Variants in PC observed in about 807,000 individuals in gnomAD.
The protein encoded by PC is pyruvate carboxylase.
PC carries 46 observed loss-of-function variants against 107.8 expected under a neutral mutation model. The ratio of observed to expected loss-of-function variants is 0.43; its 90% CI spans 0.34 to 0.55. The LOEUF is 0.55. PC is among the 20% of genes least tolerant of loss of function. PC has a pLI of 0.04. For synonymous variants in PC, 662 were observed against 684.7 expected, an observed-to-expected ratio of 0.97 and a Z score of 0.52; for missense variants, 1,241 against 1,643.1, an observed-to-expected ratio of 0.76 and a Z score of 4.23.
rs762909529 is a variant in PC at position 66,850,016 on chromosome 11, A to C, written c.2819T>G (p.Phe940Cys). ...CAGGAACTCCACCACGGAGCGGGGA[A>C]AGGACAGCTCTTCCGCCTGAGCTTC... The part of the protein sequence containing the change: ...EAEAQAEELS[F>C]PRSVVEFLQG... The change falls in exon 20 of 23, where the codon TTT becomes TGT. Residue 940 changes from phenylalanine to cysteine, a missense_variant. Physicochemically the swap from Phe to Cys is radical, Grantham distance 205. Coordinates refer to ENST00000393960, the MANE Select transcript of PC (RefSeq NM_001040716.2). The C allele has an allele frequency of 1.2e-6, 2 of 1,613,700 alleles. No homozygotes were observed. The highest frequency in any genetic ancestry group is 3.3e-5 in the Admixed American group (2 of 60,028).
chr11:66,857,696 C>A lies in PC; in HGVS notation c.1369-4313G>T. ...CCTGGGCCCAAGTGGGCACCTGCGC[C>A]AGCCCCACCTGTGCCTGGGCTGTGG... On this transcript the variant is annotated intron_variant, in intron 12 of 22. Transcript: ENST00000393960. This position sits in a 1 kb window ranked among gnomAD's most constrained non-coding sequence, Gnocchi z 7.1. The A allele has an allele frequency of 6.5e-7, 1 of 1,542,288 alleles. No homozygotes were observed. The highest frequency in any genetic ancestry group is 1.2e-5 in the South Asian group (1 of 83,256).
At chr11:66,898,623 T>G (rs1947844234) in intron 3 of PC, among the ~76,000 whole-genome samples, 1 of 152,106 alleles carries the variant, frequency 6.6e-6, no homozygotes, top group Non-Finnish European at 1.5e-5. Context: ...GAGGTCGCAG[T>G]AAGCCGAGAT....
chr11:66,886,641 T>A (rs1947373592), intron 3 of PC, among the ~76,000 whole-genome samples: 1 of 151,816 alleles, frequency 6.6e-6, no homozygotes, highest in Non-Finnish European at 1.5e-5. Flanking sequence ...ACAGCACCCA[T>A]TAGATGGGAG....
chr11:66,950,283 G>A (rs1591319609), intron 3 of PC, among the ~76,000 whole-genome samples: 10 of 152,234 alleles, frequency 6.6e-5, no homozygotes, highest in Admixed American at 5.9e-4. Flanking sequence ...TGATGTCATG[G>A]TGGATGTCAT....
In PC at chr11:66,871,818, C is replaced by A. The variant is rs35698729; in HGVS notation, c.190G>T (p.Val64Leu). 1 of 1,609,060 alleles carries A rather than the reference C, an allele frequency of 6.2e-7. No homozygotes were observed. Among genetic ancestry groups the A allele is most frequent in the Admixed American group, 1.7e-5 (1 of 59,820 alleles). ...RACTELGIRT[V>L]AIYSEQDTGQ... ...GTGTCCTGCTCAGAGTAGATGGCTA[C>A]GGTGCGGATGCCCAGCTCCGTGCAG... Residue 64 changes from valine (V) to leucine (L), a missense_variant, in exon 5 of 23, where the codon GTA becomes TTA. Val to Leu is a conservative substitution (Grantham distance 32). This residue lies in a region of PC where 1,143 missense variants were observed against 1,551.9 expected (regional missense o/e 0.74). Transcript: ENST00000393960. The surrounding 1 kb of genome is among the most constrained non-coding windows in gnomAD (Gnocchi z 7.4).
chr11:66,934,444 A>G (rs565885271), intron 3 of PC: 1 of 154,236 alleles, frequency 6.5e-6, no homozygotes, highest in East Asian at 1.9e-4. Flanking sequence ...TTCCTCATCT[A>G]TAAAATGGGG....
chr11:66,890,416 T>C (rs1404016232), intron 3 of PC, among the ~76,000 whole-genome samples: 1 of 148,828 alleles, frequency 6.7e-6, no homozygotes, highest in Non-Finnish European at 1.5e-5. Flanking sequence ...TTTTTTGAGA[T>C]GGAGTTTCAC....
At position 66,877,335 on chromosome 11, in the gene PC, G is replaced by A. The variant is rs137965662; in HGVS notation, c.1-5176C>T. Among the ~76,000 whole-genome samples, 1,424 of 152,258 alleles carry A rather than the reference G, an allele frequency of 9.4e-3. 27 individuals are homozygous for A. The highest frequency in any genetic ancestry group is 0.032 in the African/African-American group (1,317 of 41,544). On this transcript the variant is annotated intron_variant, in intron 3 of 22. Coordinates refer to ENST00000393960, the MANE Select transcript of PC (RefSeq NM_001040716.2). ...TGTGAGGCGGAAGTTGCAGTGAGCCGAGATCGCGCCATTGCATTCCAGCCT... is the reference window on the plus strand; with the variant it reads ...TGTGAGGCGGAAGTTGCAGTGAGCCAAGATCGCGCCATTGCATTCCAGCCT...
At chr11:66,855,220 C>T (rs545413041) in intron 12 of PC, among the ~76,000 whole-genome samples, 2 of 152,374 alleles carry the variant, frequency 1.3e-5, no homozygotes, top group African/African-American at 2.4e-5. Flanking sequence ...ATACTGTAAG[C>T]TCTATGGGGG....
In PC at chr11:66,871,292, C is replaced by G; in HGVS notation, c.487+23G>C. The G allele has an allele frequency of 3.7e-6, 6 of 1,614,084 alleles. No individual in the cohort carries two copies. Among genetic ancestry groups the G allele is most frequent in the Non-Finnish European group, 5.1e-6 (6 of 1,180,032 alleles). On this transcript the variant is annotated intron_variant, in intron 6 of 22. Coordinates refer to ENST00000393960, the MANE Select transcript of PC (RefSeq NM_001040716.2). This position sits in a 1 kb window ranked among gnomAD's most constrained non-coding sequence, Gnocchi z 7.4. ...CCTCTCCAGGAGCTGCGGGGCCACC[C>G]CTTGCTTGCCCGTTATATTCACCCG...
chr11:66,858,413 TC>T lies in PC; in HGVS notation c.1369-5031del. On this transcript the variant is annotated intron_variant, in intron 12 of 22. Coordinates refer to ENST00000393960, the MANE Select transcript of PC (RefSeq NM_001040716.2). The surrounding 1 kb of genome is among the most constrained non-coding windows in gnomAD (Gnocchi z 5.9). ...CTCGTGGGCGTGATGCAGAGGCCTC[TC>T]CCGCCCCCCTGGTGCTGAGCTTTAG... The T allele has an allele frequency of 6.4e-7, 1 of 1,556,090 alleles. No homozygotes were observed.
chr11:66,956,835 T>C (rs1002671190), intron 1 of PC, among the ~76,000 whole-genome samples: 1 of 152,218 alleles, frequency 6.6e-6, no homozygotes, highest in Non-Finnish European at 1.5e-5. Context: ...CTAGGGCCAA[T>C]ACCTCACCCA....
rs1945450119 is a variant in PC at position 66,850,943 on chromosome 11, G to C, written c.2224-20C>G. On this transcript the variant is annotated intron_variant, in intron 17 of 22. Transcript: ENST00000393960. The stretch of plus-strand genomic sequence containing the variant: ...CATGTCCTGGGGGAAGTGGGAGAGA[G>C]AGAGAGAGAGATGGTAGAGAGGGCA... The C allele has an allele frequency of 1.9e-6, 3 of 1,607,052 alleles. No individual in the cohort carries two copies. The highest frequency in any genetic ancestry group is 2.5e-6 in the Non-Finnish European group (3 of 1,179,762).
intron 3 of PC, among the ~76,000 whole-genome samples, chr11:66,935,663 G>A (rs1379136690): frequency 2.6e-5 from 4 of 152,204 alleles, no homozygotes; most frequent in Non-Finnish European, 5.9e-5. Context: ...AATCTGGTTT[G>A]CTGCTGTCAG....
Position 66,851,951 on chromosome 11 carries a change from A to G in PC, c.1826-5T>C, listed in dbSNP as rs750069032. ...TGGCGACGTCAAACGTGGCTCCTGC[A>G]CAGGAACCGAGAGGCCCAGATCAGC... is the stretch of plus-strand genomic sequence containing the variant. On this transcript the variant is annotated splice_region_variant and splice_polypyrimidine_tract_variant and intron_variant, in intron 15 of 22. Transcript: ENST00000393960. 16 of 1,613,556 alleles carry G rather than the reference A, an allele frequency of 9.9e-6. No homozygotes were observed. Among genetic ancestry groups the G allele is most frequent in the African/African-American group, 9.3e-5 (7 of 74,914 alleles).
intron 3 of PC, among the ~76,000 whole-genome samples, chr11:66,951,589 C>T (rs1234589320): frequency 6.6e-6 from 1 of 152,072 alleles, no homozygotes; most frequent in African/African-American, 2.4e-5. Flanking sequence ...AATCCCATCT[C>T]TACTAAAAAT....
At chr11:66,931,934 G>A (rs1948865482) in intron 3 of PC, among the ~76,000 whole-genome samples, 1 of 151,618 alleles carries the variant, frequency 6.6e-6, no homozygotes, top group South Asian at 2.1e-4. Context: ...CAGGAGAATG[G>A]CGTGAACCCG....
rs1945527613 is a variant in PC, at chr11:66,852,021, C to T, written c.1826-75G>A. The T allele has an allele frequency of 6.8e-7, 1 of 1,474,286 alleles. No homozygotes were observed. Among genetic ancestry groups the T allele is most frequent in the Non-Finnish European group, 9.4e-7 (1 of 1,069,104 alleles). 91.3% of individuals were successfully genotyped at this position (1,474,286 alleles called of 1,614,324 possible). A position where few individuals can be genotyped will look rare whatever the true frequency, so the allele number is the denominator to read the frequency against. On this transcript the variant is annotated intron_variant, in intron 15 of 22. Transcript: ENST00000393960. The surrounding 1 kb of genome is among the most constrained non-coding windows in gnomAD (Gnocchi z 4.7). ...CCACCAGGCCTTGGAGCTAGCTCTG[C>T]AGCACAAGCCTCTGGCCCCAATACC...
At chr11:66,887,730 T>C (rs768933200) in intron 3 of PC, among the ~76,000 whole-genome samples, 27 of 152,184 alleles carry the variant, frequency 1.8e-4, no homozygotes, top group Non-Finnish European at 3.8e-4. Context: ...CGCGTATCCA[T>C]GTGGAAAGGT....
Sources: allele counts gnomAD v4.1 joint callset (sites outside exome capture counted in the v4.1 genomes callset), GRCh38; gene constraint gnomAD v4.1.1; regional missense constraint gnomAD v4.1.1; non-coding constraint Gnocchi (gnomAD v3.1); transcripts MANE v1.5; gene names NCBI Gene and HGNC (gene_info 2026-07-23, HGNC 2026-07-21).